Variants in SGCZ observed in about 807,000 individuals in gnomAD.
The protein encoded by SGCZ is zeta-sarcoglycan.
Under a neutral mutation model 41.3 loss-of-function variants are expected in SGCZ, and 40 were observed. That is an observed-to-expected ratio of 0.97 (90% confidence interval 0.75 to 1.26). The LOEUF (loss-of-function observed/expected upper bound fraction) is 1.26, where lower values mean the gene tolerates loss of function less well. Ranked by LOEUF, SGCZ falls within the 50% of genes most tolerant of loss-of-function variation. SGCZ has a pLI of 0.00. For missense variants in SGCZ, 552 were observed against 369.8 expected, an observed-to-expected ratio of 1.49 and a Z score of -4.04; for synonymous variants, 206 against 137.5, an observed-to-expected ratio of 1.50 and a Z score of -3.49.
At chr8:14,397,431 C>A (rs559492784) in intron 2 of SGCZ, among the ~76,000 whole-genome samples, 13 of 140,768 alleles carry the variant, frequency 9.2e-5, no homozygotes, top group Non-Finnish European at 1.8e-4. Context: ...GGCATAATTT[C>A]TTTTTTTCTA....
intron 2 of SGCZ, among the ~76,000 whole-genome samples, chr8:14,471,295 T>C (rs1314814871): frequency 6.6e-6 from 1 of 152,160 alleles, no homozygotes; most frequent in Admixed American, 6.6e-5. Context: ...AGTGAATAAT[T>C]TGCAGTGCTG....
At chr8:14,866,627 C>A in intron 1 of SGCZ, among the ~76,000 whole-genome samples, 1 of 151,874 alleles carries the variant, frequency 6.6e-6, no homozygotes. Flanking sequence ...CTGGGCAACA[C>A]AGCAAAACAC....
chr8:14,699,206 G>C (rs1207636769), intron 1 of SGCZ, among the ~76,000 whole-genome samples: 1 of 149,212 alleles, frequency 6.7e-6, no homozygotes, highest in Admixed American at 6.7e-5. Flanking sequence ...TATATAATTT[G>C]AATTTATATA....
intron 1 of SGCZ, among the ~76,000 whole-genome samples, chr8:15,014,993 C>T (rs1300230828): frequency 1.3e-5 from 2 of 152,116 alleles, no homozygotes; most frequent in South Asian, 2.1e-4. Flanking sequence ...GCCTGTAATC[C>T]CACTTTGGGA....
At chr8:14,851,708 T>C (rs188479382) in intron 1 of SGCZ, among the ~76,000 whole-genome samples, 1 of 152,302 alleles carries the variant, frequency 6.6e-6, no homozygotes, top group East Asian at 1.9e-4. Context: ...AACATGATTT[T>C]CCATTTATAT....
At chr8:14,358,332 G>A (rs548278275) in intron 2 of SGCZ, among the ~76,000 whole-genome samples, 107 of 152,140 alleles carry the variant, frequency 7.0e-4, no homozygotes, top group African/African-American at 2.5e-3. Context: ...TTTCCATATT[G>A]CACAACTAAG....
intron 1 of SGCZ, among the ~76,000 whole-genome samples, chr8:14,693,243 T>C (rs1454371692): frequency 6.6e-6 from 1 of 152,082 alleles, no homozygotes; most frequent in Non-Finnish European, 1.5e-5. Context: ...CTTAATAATT[T>C]CCATTCCTCA....
At chr8:14,396,934 G>T in intron 2 of SGCZ, among the ~76,000 whole-genome samples, 1 of 152,114 alleles carries the variant, frequency 6.6e-6, no homozygotes, top group East Asian at 1.9e-4. Flanking sequence ...CAATGGAAAT[G>T]TGCTGAATTG....
chr8:14,377,045 C>T (rs918205827), intron 2 of SGCZ, among the ~76,000 whole-genome samples: 3 of 152,136 alleles, frequency 2.0e-5, no homozygotes, highest in African/African-American at 7.2e-5. Context: ...CATATCTGAG[C>T]TCATGATAAG....
At chr8:14,805,894 T>A (rs993579141) in intron 1 of SGCZ, among the ~76,000 whole-genome samples, 17 of 150,154 alleles carry the variant, frequency 1.1e-4, no homozygotes, top group Admixed American at 8.7e-4. Context: ...CAGACCACAG[T>A]GCAATCAAAC....
At chr8:15,211,836 A>G (rs1439108526) in intron 1 of SGCZ, among the ~76,000 whole-genome samples, 1 of 152,192 alleles carries the variant, frequency 6.6e-6, no homozygotes, top group Admixed American at 6.5e-5. Context: ...TAGGCATCCA[A>G]ATTCCATTTT....
intron 1 of SGCZ, among the ~76,000 whole-genome samples, chr8:14,801,854 G>A (rs1219112336): frequency 1.3e-5 from 2 of 152,146 alleles, no homozygotes; most frequent in Non-Finnish European, 2.9e-5. Context: ...TAGAAAAGCA[G>A]ACTGAAATAT....
intron 1 of SGCZ, among the ~76,000 whole-genome samples, chr8:14,638,638 T>C (rs1421648496): frequency 6.6e-6 from 1 of 151,814 alleles, no homozygotes; most frequent in East Asian, 1.9e-4. Context: ...AATCTCCTTT[T>C]CTCAGGACTA....
At chr8:15,073,821 G>C (rs1199013514) in intron 1 of SGCZ, among the ~76,000 whole-genome samples, 1 of 152,150 alleles carries the variant, frequency 6.6e-6, no homozygotes, top group Non-Finnish European at 1.5e-5. Context: ...GAGAATGAGA[G>C]TTTTGTAACT....
At chr8:15,004,275 T>C (rs1239464942) in intron 1 of SGCZ, among the ~76,000 whole-genome samples, 1 of 152,082 alleles carries the variant, frequency 6.6e-6, no homozygotes, top group Non-Finnish European at 1.5e-5. Flanking sequence ...GAGGTGGCGA[T>C]AATGAGCAAG....
At chr8:15,237,553 C>A (rs368525763) in intron 1 of SGCZ, 32 bp downstream of exon 1, 107 of 1,582,010 alleles carry the variant, frequency 6.8e-5, no homozygotes, top group African/African-American at 3.2e-4. Flanking sequence ...CGCCGAGAAG[C>A]GGCCGCGAAG....
intron 1 of SGCZ, among the ~76,000 whole-genome samples, chr8:14,591,027 GC>G (rs1247302702): frequency 1.3e-5 from 2 of 149,474 alleles, no homozygotes; most frequent in African/African-American, 4.9e-5. Flanking sequence ...TTTTTTTCAG[GC>G]AAAAATGAGA....
At chr8:14,889,181 C>A (rs1804918247) in intron 1 of SGCZ, among the ~76,000 whole-genome samples, 1 of 151,730 alleles carries the variant, frequency 6.6e-6, no homozygotes, top group Admixed American at 6.6e-5. Context: ...GGCAACAGTA[C>A]AATATATCAT....
intron 4 of SGCZ, among the ~76,000 whole-genome samples, chr8:14,227,255 C>A (rs374075257): frequency 2.4e-4 from 36 of 151,998 alleles, no homozygotes; most frequent in African/African-American, 8.2e-4. Context: ...TGTAAGAATG[C>A]AAACAGTTTT....
Sources: allele counts gnomAD v4.1 joint callset (sites outside exome capture counted in the v4.1 genomes callset), GRCh38; gene constraint gnomAD v4.1.1; transcripts MANE v1.5; gene names NCBI Gene and HGNC (gene_info 2026-07-23, HGNC 2026-07-21).